MACF1: variants seen among roughly 807,000 people sequenced by gnomAD.
The protein encoded by MACF1 is microtubule actin crosslinking factor 1.
MACF1 carries 193 observed loss-of-function variants against 854.8 expected under a neutral mutation model. That is an observed-to-expected ratio of 0.23 (90% CI 0.20 to 0.25). The LOEUF (loss-of-function observed/expected upper bound fraction) is 0.25, where lower values mean the gene tolerates loss of function less well. Among genes scored for constraint, MACF1 ranks in the 10% least tolerant of loss-of-function variants. The pLI is 1.00. For missense variants in MACF1, 7,722 were observed against 8,929.1 expected (o/e 0.86, Z 5.45); for synonymous variants, 3,185 against 3,226.7 (o/e 0.99, Z 0.44).
intron 38 of MACF1, among the ~76,000 whole-genome samples, chr1:39,340,003 A>G (rs1646900520): frequency 6.6e-6 from 1 of 152,142 alleles, no homozygotes; most frequent in African/African-American, 2.4e-5. Flanking sequence ...AATATTACAG[A>G]CTAGATGAGT....
intron 2 of MACF1, among the ~76,000 whole-genome samples, chr1:39,107,903 A>C (rs533882614): frequency 5.2e-4 from 79 of 152,240 alleles, no homozygotes; most frequent in African/African-American, 1.6e-3. Context: ...GAGAGCTAAA[A>C]TTTTCAGCTG....
chr1:39,113,393 A>C (rs976326389), intron 2 of MACF1, among the ~76,000 whole-genome samples: 8 of 152,206 alleles, frequency 5.3e-5, no homozygotes, highest in African/African-American at 1.9e-4. Context: ...AAACACTTCA[A>C]GCAAGCCCTT....
Position 39,361,306 on chromosome 1 carries a change from C to T in MACF1, c.12454-54C>T, listed in dbSNP as rs79332577. On this transcript the variant is annotated intron_variant, in intron 48 of 100. Coordinates refer to ENST00000564288, the MANE Select transcript of MACF1 (RefSeq NM_001394062.1). ...AGCATATAGTTATTAGTTTGTGGCT[C>T]AGATGTCCTGGAATAAGTGAACCAG... 2.4e-4 allele frequency: 374 copies of T among 1,546,744 alleles called. 1 individual carries two copies. The African/African-American group carries it at 4.3e-3, about 18-fold the overall frequency.
At chr1:39,453,165 A>G (rs1247041439) in intron 87 of MACF1, among the ~76,000 whole-genome samples, 1 of 152,154 alleles carries the variant, frequency 6.6e-6, no homozygotes, top group Admixed American at 6.5e-5. Context: ...CTGATCCCCC[A>G]GCACCACTTA....
At chr1:39,102,585 T>C in intron 2 of MACF1, 1 of 603,508 alleles carries the variant, frequency 1.7e-6, no homozygotes, top group Non-Finnish European at 2.9e-6. Flanking sequence ...TTAGAGGCGC[T>C]GAAAGAAATA....
At chr1:39,119,714 A>G (rs910899250) in intron 2 of MACF1, among the ~76,000 whole-genome samples, 9 of 151,912 alleles carry the variant, frequency 5.9e-5, no homozygotes, top group African/African-American at 2.2e-4. Context: ...CTCTTCTTCT[A>G]TGTTCCCGAT....
In MACF1 at chr1:39,424,025, T is replaced by C. The variant is rs757480439; in HGVS notation, c.16150-3T>C. 1.9e-6 allele frequency: 3 copies of C among 1,609,298 alleles called. No homozygotes were observed. Among genetic ancestry groups the C allele is most frequent in the Non-Finnish European group, 2.5e-6 (3 of 1,177,614 alleles). On this transcript the variant is annotated splice_polypyrimidine_tract_variant and splice_region_variant and intron_variant, in intron 60 of 100. Coordinates refer to ENST00000564288, the MANE Select transcript of MACF1 (RefSeq NM_001394062.1). Reference sequence around the variant, plus strand: ...TTACAGCTTTTCATTCTCTTTATAATAGTTGCTCCAGCGGCTCCTAGATGA... The same window carrying C: ...TTACAGCTTTTCATTCTCTTTATAACAGTTGCTCCAGCGGCTCCTAGATGA...
chr1:39,131,690 A>G (rs1643009946), intron 2 of MACF1, among the ~76,000 whole-genome samples: 2 of 152,220 alleles, frequency 1.3e-5, no homozygotes, highest in African/African-American at 2.4e-5. Context: ...AGACAGATGT[A>G]TGCTTAGCAT....
At chr1:39,132,344 G>T (rs1213358623) in intron 2 of MACF1, among the ~76,000 whole-genome samples, 2 of 119,178 alleles carry the variant, frequency 1.7e-5, no homozygotes, top group African/African-American at 5.7e-5. Context: ...GGTTTCTCTG[G>T]GTGTTGTGCA....
chr1:39,286,474 CTT>C (rs796131309), intron 14 of MACF1, among the ~76,000 whole-genome samples: 1 of 146,548 alleles, frequency 6.8e-6, no homozygotes, highest in African/African-American at 2.5e-5. Flanking sequence ...TTTTTTTCCC[CTT>C]TTTTTTTTGA....
intron 6 of MACF1, among the ~76,000 whole-genome samples, chr1:39,267,997 T>C (rs1452050903): frequency 6.6e-6 from 1 of 152,230 alleles, no homozygotes; most frequent in East Asian, 1.9e-4. Context: ...ATTTTATTGT[T>C]TTCTGACCTG....
At chr1:39,377,118 C>G (rs999827704) in intron 52 of MACF1, among the ~76,000 whole-genome samples, 4 of 152,116 alleles carry the variant, frequency 2.6e-5, no homozygotes, top group Non-Finnish European at 5.9e-5. Context: ...TCAATCGATT[C>G]TCCTGCCTCA....
intron 2 of MACF1, among the ~76,000 whole-genome samples, chr1:39,159,298 C>T (rs1241370766): frequency 6.6e-6 from 1 of 152,226 alleles, no homozygotes; most frequent in Admixed American, 6.5e-5. Context: ...GGGCTCAGGG[C>T]ACTCCCTGTT....
chr1:39,231,749 T>C (rs935833343), intron 2 of MACF1, among the ~76,000 whole-genome samples: 27 of 152,108 alleles, frequency 1.8e-4, no homozygotes, highest in Non-Finnish European at 3.8e-4. Context: ...CTCACTATGT[T>C]GCCCACTCTG....
intron 93 of MACF1, 101 bp downstream of exon 93, chr1:39,462,138 G>A (rs1356735716): frequency 9.0e-7 from 1 of 1,115,812 alleles, no homozygotes; most frequent in Non-Finnish European, 1.3e-6. Context: ...TGACTTGTCT[G>A]TTGGGAGATA....
intron 4 of MACF1, among the ~76,000 whole-genome samples, chr1:39,253,670 C>T (rs370615737): frequency 2.6e-5 from 4 of 151,960 alleles, no homozygotes; most frequent in African/African-American, 4.8e-5. Context: ...TGTGCCACCA[C>T]GCCCGGCTAA....
chr1:39,109,370 A>G (rs1307111244), intron 2 of MACF1, among the ~76,000 whole-genome samples: 1 of 152,156 alleles, frequency 6.6e-6, no homozygotes, highest in Non-Finnish European at 1.5e-5. Context: ...CCCAGGTTCA[A>G]GCAATTCTCC....
intron 6 of MACF1, among the ~76,000 whole-genome samples, chr1:39,263,555 T>A (rs1645189775): frequency 6.6e-6 from 1 of 152,136 alleles, no homozygotes; most frequent in Admixed American, 6.5e-5. Context: ...CTCTTTAAAG[T>A]AATAAAACAT....
intron 17 of MACF1, 145 bp downstream of exon 17, chr1:39,292,988 C>A: frequency 3.3e-6 from 2 of 609,868 alleles, no homozygotes; most frequent in Non-Finnish European, 5.7e-6. Context: ...TGCACTTATT[C>A]ATATCTATTA....
Sources: gnomAD v4.1 joint callset for allele counts (sites outside exome capture counted in the v4.1 genomes callset) on GRCh38, gnomAD v4.1.1 for gene constraint, MANE v1.5 for transcripts, NCBI Gene and HGNC (gene_info 2026-07-23, HGNC 2026-07-21) for gene names.